NAV3: variants seen among roughly 807,000 people sequenced by gnomAD.
NAV3 encodes neuron navigator 3, also known as pore membrane and/or filament interacting like protein 1.
In NAV3, 87 loss-of-function variants were observed where a neutral mutation model predicts 244.7. The ratio of observed to expected loss-of-function variants is 0.36; its 90% CI spans 0.30 to 0.42. The LOEUF (loss-of-function observed/expected upper bound fraction) is 0.42. NAV3 is among the 20% of genes least tolerant of loss of function. The pLI is 1.00. For synonymous variants in NAV3, 1,126 were observed against 1,042.2 expected, an observed-to-expected ratio of 1.08 and a Z score of -1.55; for missense variants, 2,663 against 2,893.3, an observed-to-expected ratio of 0.92 and a Z score of 1.83.
chr12:77,810,885 T>G (rs1232294077), intron 2 of NAV3, among the ~76,000 whole-genome samples: 1 of 152,214 alleles, frequency 6.6e-6, no homozygotes, highest in Non-Finnish European at 1.5e-5. Context: ...TGTTTTCTTA[T>G]TTAAATGCAA....
At chr12:77,819,881 G>A (rs753645892) in intron 2 of NAV3, among the ~76,000 whole-genome samples, 2 of 152,126 alleles carry the variant, frequency 1.3e-5, no homozygotes, top group African/African-American at 2.4e-5. Context: ...AAACCAATAA[G>A]CAGGGTATAT....
intron 39 of NAV3, among the ~76,000 whole-genome samples, chr12:78,206,032 A>G (rs1960264810): frequency 6.6e-6 from 1 of 152,142 alleles, no homozygotes; most frequent in Non-Finnish European, 1.5e-5. Context: ...CATCATCATC[A>G]TCATCATCTC....
chr12:78,103,147 C>T (rs1566134982), intron 12 of NAV3, among the ~76,000 whole-genome samples: 3 of 152,088 alleles, frequency 2.0e-5, no homozygotes, highest in Admixed American at 1.3e-4. Flanking sequence ...TTTTAAAATG[C>T]GATGCTCTAA....
chr12:77,966,892 T>C (rs545217245), intron 4 of NAV3, among the ~76,000 whole-genome samples: 14 of 152,218 alleles, frequency 9.2e-5, no homozygotes, highest in African/African-American at 2.9e-4. Context: ...TTGACATTGA[T>C]CTTTTTTCTG....
chr12:77,611,423 T>A (rs1460631673), intron 2 of NAV3, among the ~76,000 whole-genome samples: 1 of 151,974 alleles, frequency 6.6e-6, no homozygotes, highest in Non-Finnish European at 1.5e-5. Context: ...TATTGATACA[T>A]TAAATGTAAA....
At chr12:78,069,207 T>A (rs1952629512) in intron 12 of NAV3, among the ~76,000 whole-genome samples, 1 of 152,046 alleles carries the variant, frequency 6.6e-6, no homozygotes, top group Non-Finnish European at 1.5e-5. Context: ...TAAGCTTGGT[T>A]TTTTTTAAAG....
intron 2 of NAV3, among the ~76,000 whole-genome samples, chr12:77,600,650 G>T (rs774031639): frequency 6.6e-6 from 1 of 151,848 alleles, no homozygotes; most frequent in South Asian, 2.1e-4. Context: ...AGTGTGTCTC[G>T]CAAGGATCTA....
chr12:78,054,299 T>A (rs1593407741), intron 11 of NAV3, among the ~76,000 whole-genome samples: 1 of 152,202 alleles, frequency 6.6e-6, no homozygotes, highest in Non-Finnish European at 1.5e-5. Context: ...GTGGATTAGA[T>A]GATATTGATG....
intron 22 of NAV3, among the ~76,000 whole-genome samples, chr12:78,152,253 T>TA (rs986879489): frequency 1.3e-5 from 2 of 150,768 alleles, no homozygotes; most frequent in Non-Finnish European, 3.0e-5. Flanking sequence ...CATCTACTTT[T>TA]AAAAAAAAGT....
intron 2 of NAV3, among the ~76,000 whole-genome samples, chr12:77,716,721 T>TA (rs1876378132): frequency 1.3e-5 from 2 of 152,022 alleles, no homozygotes; most frequent in African/African-American, 4.8e-5. Flanking sequence ...TTCTAGGTGT[T>TA]AGAGTTTGAC....
chr12:78,131,087 C>T (rs957572121), intron 18 of NAV3: 4 of 152,208 alleles, frequency 2.6e-5, no homozygotes, highest in Non-Finnish European at 4.4e-5. Flanking sequence ...TTCCAAGGGC[C>T]TCATTACTTT....
intron 12 of NAV3, 51 bp from the exon 13 acceptor site, chr12:78,116,721 G>C (rs917179222): frequency 6.8e-7 from 1 of 1,461,486 alleles, no homozygotes. Flanking sequence ...TAGGTGACTT[G>C]CATTGTGCAT....
At chr12:77,807,239 G>T (rs1490574320) in intron 2 of NAV3, among the ~76,000 whole-genome samples, 3 of 152,126 alleles carry the variant, frequency 2.0e-5, no homozygotes, top group African/African-American at 4.8e-5. Context: ...TGGTTATTTT[G>T]CCAATTAGTT....
At chr12:77,606,051 A>AT (rs1192391093) in intron 2 of NAV3, among the ~76,000 whole-genome samples, 1 of 152,154 alleles carries the variant, frequency 6.6e-6, no homozygotes, top group African/African-American at 2.4e-5. Flanking sequence ...CCCTCCCAGA[A>AT]TTTGTTGAGT....
At chr12:77,750,288 G>C (rs1471274202) in intron 2 of NAV3, among the ~76,000 whole-genome samples, 1 of 152,158 alleles carries the variant, frequency 6.6e-6, no homozygotes, top group Non-Finnish European at 1.5e-5. Context: ...GGGAGGCAGA[G>C]GTTGCAGTGA....
intron 2 of NAV3, among the ~76,000 whole-genome samples, chr12:77,731,418 C>G (rs1448281328): frequency 6.6e-6 from 1 of 152,048 alleles, no homozygotes; most frequent in Admixed American, 6.6e-5. Flanking sequence ...AAAAGTTGCT[C>G]ACTAATGTAA....
At chr12:77,980,795 T>C (rs192482530) in intron 5 of NAV3, among the ~76,000 whole-genome samples, 1 of 152,298 alleles carries the variant, frequency 6.6e-6, no homozygotes, top group East Asian at 1.9e-4. Flanking sequence ...TTTATGGTGA[T>C]ATTGTAAAAG....
intron 2 of NAV3, among the ~76,000 whole-genome samples, chr12:77,665,294 A>G (rs1873666671): frequency 6.6e-6 from 1 of 152,222 alleles, no homozygotes; most frequent in South Asian, 2.1e-4. Flanking sequence ...TCTTTAGGAA[A>G]CCCAATTCTA....
At chr12:78,044,965 T>C (rs1034654029) in intron 9 of NAV3, among the ~76,000 whole-genome samples, 1 of 152,178 alleles carries the variant, frequency 6.6e-6, no homozygotes, top group Non-Finnish European at 1.5e-5. Flanking sequence ...TCCAATACTA[T>C]GTTGAATAGG....
Sources: gnomAD v4.1 joint callset for allele counts (sites outside exome capture counted in the v4.1 genomes callset) on GRCh38, gnomAD v4.1.1 for gene constraint, MANE v1.5 for transcripts, NCBI Gene and HGNC (gene_info 2026-07-23, HGNC 2026-07-21) for gene names.